SCYL2: variants seen among roughly 807,000 people sequenced by gnomAD.
SCYL2 encodes SCY1-like protein 2.
In SCYL2, 36 loss-of-function variants were observed where a neutral mutation model predicts 100.4. The observed-to-expected ratio is 0.36, with a 90% CI of 0.27 to 0.47. The LOEUF (loss-of-function observed/expected upper bound fraction) is 0.47, where lower values mean the gene tolerates loss of function less well. Ranked by LOEUF, SCYL2 falls within the 20% of genes least tolerant of loss-of-function variation. SCYL2 has a pLI of 1.00. For missense variants in SCYL2, 902 were observed against 1,083.9 expected (o/e 0.83, Z 2.36); for synonymous variants, 330 against 359.2 (o/e 0.92, Z 0.92).
At chr12:100,294,409 G>C (rs1180655443) in intron 3 of SCYL2, among the ~76,000 whole-genome samples, 20 of 103,194 alleles carry the variant, frequency 1.9e-4, no homozygotes, top group African/African-American at 6.5e-4. Context: ...CCTCCCGGAC[G>C]GGGCGGCTGG....
intron 13 of SCYL2, among the ~76,000 whole-genome samples, chr12:100,331,477 TGCGCCTGTAGTCCCA>T (rs1952207643): frequency 6.6e-6 from 1 of 151,948 alleles, no homozygotes; most frequent in Non-Finnish European, 1.5e-5. Flanking sequence ...TGTGGTGGTG[TGCGCCTGTAGTCCCA>T]GCTACCAGAG....
chr12:100,304,728 C>T (rs1299298917), intron 4 of SCYL2, among the ~76,000 whole-genome samples: 1 of 152,034 alleles, frequency 6.6e-6, no homozygotes, highest in South Asian at 2.1e-4. Context: ...AGAGTCAAGA[C>T]CCATCAGTGT....
At chr12:100,336,472 G>C (rs1253361287) in intron 16 of SCYL2, among the ~76,000 whole-genome samples, 1 of 152,060 alleles carries the variant, frequency 6.6e-6, no homozygotes, top group Admixed American at 6.6e-5. Context: ...TGGTAGCATG[G>C]CCATCAATTT....
chr12:100,325,953 T>C (rs938142029), intron 11 of SCYL2, among the ~76,000 whole-genome samples: 2 of 152,116 alleles, frequency 1.3e-5, no homozygotes, highest in Non-Finnish European at 2.9e-5. Flanking sequence ...CCAACAAAAT[T>C]ATTTTCTGCC....
intron 2 of SCYL2, among the ~76,000 whole-genome samples, chr12:100,285,638 T>C (rs990253585): frequency 6.6e-6 from 1 of 152,224 alleles, no homozygotes; most frequent in African/African-American, 2.4e-5. Flanking sequence ...TATTCCCTGC[T>C]CCCCTCTCTT....
chr12:100,311,036 A>T lies in SCYL2; in HGVS notation c.481-8A>T. 1 of 1,535,982 alleles carries T rather than the reference A, an allele frequency of 6.5e-7. No homozygotes were observed. Among genetic ancestry groups the T allele is most frequent in the Non-Finnish European group, 8.7e-7 (1 of 1,147,338 alleles). Reference sequence around the variant, plus strand: ...ATTTAGTGTAAAATGTGTTTTTTCCATTTACAGGTTTCTGAAGGATTGTCA... The same window carrying T: ...ATTTAGTGTAAAATGTGTTTTTTCCTTTTACAGGTTTCTGAAGGATTGTCA... On this transcript the variant is annotated splice_polypyrimidine_tract_variant and splice_region_variant and intron_variant, in intron 4 of 17. Transcript: ENST00000360820.
intron 4 of SCYL2, among the ~76,000 whole-genome samples, chr12:100,308,403 C>T (rs960999174): frequency 4.6e-5 from 7 of 152,010 alleles, no homozygotes; most frequent in African/African-American, 1.2e-4. Flanking sequence ...AACCAAACAC[C>T]GCATGTTCTC....
At chr12:100,296,060 A>T (rs2096320035) in intron 3 of SCYL2, among the ~76,000 whole-genome samples, 1 of 152,226 alleles carries the variant, frequency 6.6e-6, no homozygotes, top group African/African-American at 2.4e-5. Flanking sequence ...TGAGGGGAGA[A>T]GGACTATCAG....
rs1186599872 is a variant in SCYL2, at chr12:100,315,612, G to A, written c.1150G>A (p.Asp384Asn). Residue 384 changes from aspartate (D) to asparagine (N), a missense_variant, in exon 9 of 18, where the codon GAC becomes AAC. Coordinates refer to ENST00000360820, the MANE Select transcript of SCYL2 (RefSeq NM_017988.6). ...PCLTSEFVNP[D>N]MVPFVLPNVL... The stretch of plus-strand genomic sequence containing the variant: ...TTTGACTTCAGAATTTGTAAACCCT[G>A]ACATGGTACCTTTTGTTTTGCCCAA... 6 of 1,610,988 alleles carry A rather than the reference G, an allele frequency of 3.7e-6. No individual in the cohort carries two copies. The East Asian group carries it at 1.1e-4, about 30-fold the overall frequency.
At position 100,338,509 on chromosome 12, in the gene SCYL2, A is replaced by G. The variant is rs754267874; in HGVS notation, c.2146-19A>G. 1 of 1,501,950 alleles carries G rather than the reference A, an allele frequency of 6.7e-7. No individual in the cohort carries two copies. Among genetic ancestry groups the G allele is most frequent in the East Asian group, 2.3e-5 (1 of 44,242 alleles). 93.0% of individuals were successfully genotyped at this position (1,501,950 alleles called of 1,614,324 possible). On this transcript the variant is annotated intron_variant, in intron 17 of 17. Coordinates refer to ENST00000360820, the MANE Select transcript of SCYL2 (RefSeq NM_017988.6). ...ATTTATATTTCTTAGAGATAAAGTAATTCTCTCATATTTTTCAGACTAAGG... is the reference window on the plus strand; with the variant it reads ...ATTTATATTTCTTAGAGATAAAGTAGTTCTCTCATATTTTTCAGACTAAGG...
intron 1 of SCYL2, among the ~76,000 whole-genome samples, chr12:100,282,200 A>T (rs376705877): frequency 0.095 from 11,230 of 118,564 alleles, 1,099 homozygotes; most frequent in Middle Eastern, 0.15. Flanking sequence ...AATTTTTGTA[A>T]TTTTTGTAGA....
intron 4 of SCYL2, among the ~76,000 whole-genome samples, chr12:100,301,462 T>G (rs1324584418): frequency 6.6e-6 from 1 of 152,250 alleles, no homozygotes; most frequent in Non-Finnish European, 1.5e-5. Context: ...CTTTTCACTT[T>G]GTTGTTTATT....
Position 100,291,568 on chromosome 12 carries a change from A to T in SCYL2, c.243A>T (p.Gln81His), listed in dbSNP as rs1458604778. The change falls in exon 3 of 18, where the codon CAA (glutamine) becomes CAT (histidine). Residue 81 changes from glutamine (Q) to histidine (H), a missense_variant. By Grantham distance (24) the Gln-to-His change is conservative. Transcript: ENST00000360820. ...IDKYQKFEKD[Q>H]IIDSLKRGVQ... ...AGTATCAAAAATTTGAAAAGGATCA[A>T]ATCATTGATTCTCTAAAACGAGGAG... 2.5e-6 allele frequency: 4 copies of T among 1,598,200 alleles called. No homozygotes were observed. Among genetic ancestry groups the T allele is most frequent in the Non-Finnish European group, 3.4e-6 (4 of 1,174,980 alleles).
intron 13 of SCYL2, among the ~76,000 whole-genome samples, chr12:100,332,889 ATT>A (rs1248781677): frequency 3.3e-5 from 5 of 151,196 alleles, no homozygotes; most frequent in Admixed American, 3.3e-4. Flanking sequence ...TAATTTTTGT[ATT>A]TTTTTGTAGA....
chr12:100,330,554 A>G (rs1952196449), intron 13 of SCYL2, among the ~76,000 whole-genome samples: 1 of 152,226 alleles, frequency 6.6e-6, no homozygotes, highest in African/African-American at 2.4e-5. Context: ...CAACAGAACT[A>G]GTATTTAATG....
intron 2 of SCYL2, among the ~76,000 whole-genome samples, chr12:100,288,302 G>GT (rs202237726): frequency 0.024 from 3,640 of 151,272 alleles, 144 homozygotes; most frequent in African/African-American, 0.083. Flanking sequence ...AATTTTGTGA[G>GT]TTTTTTTTTC....
intron 1 of SCYL2, among the ~76,000 whole-genome samples, chr12:100,279,195 T>C (rs1415266379): frequency 6.6e-6 from 1 of 152,206 alleles, no homozygotes; most frequent in Non-Finnish European, 1.5e-5. Context: ...AGGGTGAAAC[T>C]CTTCTACCTC....
Position 100,339,340 on chromosome 12 carries a change from C to G in SCYL2, c.*168C>G. On this transcript the variant is annotated 3_prime_UTR_variant, in exon 18 of 18. Coordinates refer to ENST00000360820, the MANE Select transcript of SCYL2 (RefSeq NM_017988.6). The stretch of plus-strand genomic sequence containing the variant: ...GCATAGTAGTTGTATGGACTTCTAA[C>G]CAGTTGAGTTTTTTAAAGCATTGAG... 4.5e-6 allele frequency: 3 copies of G among 670,856 alleles called. No individual in the cohort carries two copies. The highest frequency in any genetic ancestry group is 4.7e-5 in the South Asian group (2 of 42,420). The allele number at this position is 670,856 out of a possible 1,614,324, so 41.6% of individuals were successfully genotyped here. A position where few individuals can be genotyped will look rare whatever the true frequency, so the allele number is the denominator to read the frequency against.
At chr12:100,286,543 GC>G (rs1555317056) in intron 2 of SCYL2, among the ~76,000 whole-genome samples, 1 of 151,870 alleles carries the variant, frequency 6.6e-6, no homozygotes, top group Non-Finnish European at 1.5e-5. Context: ...TGATAGTTTT[GC>G]CCTACTTCAG....
Sources: allele counts gnomAD v4.1 joint callset (sites outside exome capture counted in the v4.1 genomes callset), GRCh38; gene constraint gnomAD v4.1.1; transcripts MANE v1.5; gene names NCBI Gene and HGNC (gene_info 2026-07-23, HGNC 2026-07-21).